RPS6KA2: variants seen among roughly 807,000 people sequenced by gnomAD.
RPS6KA2 encodes ribosomal protein S6 kinase alpha-2.
RPS6KA2 carries 42 observed loss-of-function variants against 91.8 expected under a neutral mutation model. That is an observed-to-expected ratio of 0.46 (90% CI 0.36 to 0.59). The LOEUF (loss-of-function observed/expected upper bound fraction) is 0.59, where lower values mean the gene tolerates loss of function less well. RPS6KA2 is among the 20% of genes least tolerant of loss of function. The probability of loss-of-function intolerance (pLI) is 0.00; values close to 1 mark genes in which losing one functional copy is unlikely to be tolerated. For synonymous variants in RPS6KA2, 414 were observed against 393.6 expected, an observed-to-expected ratio of 1.05 and a Z score of -0.61; for missense variants, 798 against 978.5, an observed-to-expected ratio of 0.82 and a Z score of 2.46.
At position 166,849,537 on chromosome 6, in the gene RPS6KA2, C is replaced by T. The variant is rs576930971; in HGVS notation, c.123+8663G>A. Among the ~76,000 whole-genome samples, 31 of 152,270 alleles carry T rather than the reference C, an allele frequency of 2.0e-4. No individual in the cohort carries two copies. The highest frequency in any genetic ancestry group is 3.3e-4 in the Admixed American group (5 of 15,296). On this transcript the variant is annotated intron_variant, in intron 2 of 21. Coordinates refer to the RPS6KA2 transcript ENST00000503859. The surrounding 1 kb of genome is among the most constrained non-coding windows in gnomAD (Gnocchi z 4.9). ...GGGGGCGGATCAGCTTGAGTCACCA[C>T]GCGTGTAGCTGACAGTGGAGGACCC...
intron 2 of RPS6KA2, among the ~76,000 whole-genome samples, chr6:166,844,116 A>G (rs114273949): frequency 0.01 from 1,532 of 152,274 alleles, 25 homozygotes; most frequent in African/African-American, 0.034. Context: ...ACTTAGAGAA[A>G]TACAAAATGT....
intron 2 of RPS6KA2, among the ~76,000 whole-genome samples, chr6:166,708,505 T>C (rs1789754395): frequency 1.3e-5 from 2 of 152,220 alleles, no homozygotes; most frequent in Admixed American, 1.3e-4. Flanking sequence ...ACATTTAGGA[T>C]GTTAAAAATA....
intron 16 of RPS6KA2, among the ~76,000 whole-genome samples, chr6:166,429,825 T>C (rs1218130107): frequency 6.6e-6 from 1 of 152,226 alleles, no homozygotes; most frequent in Non-Finnish European, 1.5e-5. Context: ...CATGGCTGGG[T>C]GCTCCCGTGT....
rs557599092 is a variant in RPS6KA2 at position 166,433,942 on chromosome 6, A to G, written c.1333-1452T>C. Among the ~76,000 whole-genome samples, 1 of 152,154 alleles carries G rather than the reference A, an allele frequency of 6.6e-6. No individual in the cohort carries two copies. The highest frequency in any genetic ancestry group is 1.9e-4 in the East Asian group (1 of 5,182). On this transcript the variant is annotated intron_variant, in intron 14 of 20. Coordinates refer to ENST00000265678, the MANE Select transcript of RPS6KA2 (RefSeq NM_021135.6). This position sits in a 1 kb window ranked among gnomAD's most constrained non-coding sequence, Gnocchi z 4.4. ...CAGCTAATTTTTAAATTCTTTGTAG[A>G]GATGATGGGGTCTTGCTGTGTTGCC...
At chr6:166,659,772 G>A (rs921289626) in intron 2 of RPS6KA2, among the ~76,000 whole-genome samples, 5 of 152,212 alleles carry the variant, frequency 3.3e-5, no homozygotes, top group South Asian at 2.1e-4. Flanking sequence ...CCCTGCCGCC[G>A]TACAGCTCTA....
Position 166,773,305 on chromosome 6 carries a change from G to A in RPS6KA2, c.123+84895C>T, listed in dbSNP as rs892683425. Among the ~76,000 whole-genome samples, 7 of 152,286 alleles carry A rather than the reference G, an allele frequency of 4.6e-5. No individual in the cohort carries two copies. The East Asian group carries it at 1.2e-3, about 25-fold the overall frequency. ...GAAAGCCCAGTGTGCCCTAATGAGG[G>A]GCTTTCCATCACAGGGGAGTCAGAG... is the stretch of plus-strand genomic sequence containing the variant. On this transcript the variant is annotated intron_variant, in intron 2 of 21. Transcript: ENST00000503859.
rs149233180 is a variant in RPS6KA2 at position 166,774,565 on chromosome 6, C to G, written c.123+83635G>C. 1.4e-3 allele frequency among the ~76,000 whole-genome samples: 207 copies of G among 152,282 alleles called. 1 individual carries two copies. Among genetic ancestry groups the G allele is most frequent in the South Asian group, 7.5e-3 (36 of 4,822 alleles). On this transcript the variant is annotated intron_variant, in intron 2 of 21. Transcript: ENST00000503859. ...ATGCTACGGACCATGGTAGGGAGCTCAGCCTCCCAAGCAGCCAGCCAGGGT... is the reference window on the plus strand; with the variant it reads ...ATGCTACGGACCATGGTAGGGAGCTGAGCCTCCCAAGCAGCCAGCCAGGGT...
intron 2 of RPS6KA2, among the ~76,000 whole-genome samples, chr6:166,668,727 T>C (rs894626058): frequency 6.6e-6 from 1 of 152,118 alleles, no homozygotes; most frequent in Non-Finnish European, 1.5e-5. Flanking sequence ...TAAATGGACA[T>C]GTAAATGAAA....
rs1042240506 is a variant in RPS6KA2, at chr6:166,603,835, G to C, written c.99+23086C>G. Among the ~76,000 whole-genome samples, 3 of 152,204 alleles carry C rather than the reference G, an allele frequency of 2.0e-5. No homozygotes were observed. Among genetic ancestry groups the C allele is most frequent in the Non-Finnish European group, 4.4e-5 (3 of 68,032 alleles). Reference sequence around the variant, plus strand: ...TTGCGATAACAAGTCAGGGGTGTTAGAGGAGCCAAAGACCCCCTCAGCACC... The same window carrying C: ...TTGCGATAACAAGTCAGGGGTGTTACAGGAGCCAAAGACCCCCTCAGCACC... On this transcript the variant is annotated intron_variant, in intron 1 of 20. Coordinates refer to ENST00000265678, the MANE Select transcript of RPS6KA2 (RefSeq NM_021135.6). The surrounding 1 kb of genome is among the most constrained non-coding windows in gnomAD (Gnocchi z 4.3).
chr6:166,651,131 A>AATT (rs1725213096), intron 2 of RPS6KA2, among the ~76,000 whole-genome samples: 1 of 152,228 alleles, frequency 6.6e-6, no homozygotes, highest in South Asian at 2.1e-4. Context: ...TGAGGATCAC[A>AATT]ATTTAGATAA....
intron 2 of RPS6KA2, among the ~76,000 whole-genome samples, chr6:166,818,434 C>A (rs1208269850): frequency 6.6e-6 from 1 of 152,182 alleles, no homozygotes; most frequent in Non-Finnish European, 1.5e-5. Context: ...TGTTGCCAAG[C>A]AGTCTTCTTT....
rs1053024515 is a variant in RPS6KA2, at chr6:166,626,630, G to A, written c.99+291C>T. Among the ~76,000 whole-genome samples, 3 of 152,188 alleles carry A rather than the reference G, an allele frequency of 2.0e-5. No individual in the cohort carries two copies. Among genetic ancestry groups the A allele is most frequent in the Non-Finnish European group, 2.9e-5 (2 of 68,014 alleles). On this transcript the variant is annotated intron_variant, in intron 1 of 20. Coordinates refer to ENST00000265678, the MANE Select transcript of RPS6KA2 (RefSeq NM_021135.6). This position sits in a 1 kb window ranked among gnomAD's most constrained non-coding sequence, Gnocchi z 4.1. ...CCCTCCTCACCCGGGGCTCCCTGTG[G>A]CCCACAGGGGACCATCCCACACCCC...
In RPS6KA2 at chr6:166,732,958, G is replaced by A. The variant is rs555157334; in HGVS notation, c.123+125242C>T. 1.6e-4 allele frequency among the ~76,000 whole-genome samples: 24 copies of A among 152,320 alleles called. No homozygotes were observed. Among genetic ancestry groups the A allele is most frequent in the Admixed American group, 2.6e-4 (4 of 15,296 alleles). On this transcript the variant is annotated intron_variant, in intron 2 of 21. Coordinates refer to the RPS6KA2 transcript ENST00000503859. This position sits in a 1 kb window ranked among gnomAD's most constrained non-coding sequence, Gnocchi z 4.0. Reference sequence around the variant, plus strand: ...GCTGGCTTAGAGGAAATGAGGAACCGGAGCGGCTGGGGTGCAGGGTGGGAG... The same window carrying A: ...GCTGGCTTAGAGGAAATGAGGAACCAGAGCGGCTGGGGTGCAGGGTGGGAG...
chr6:166,571,536 C>T (rs28599916), intron 1 of RPS6KA2, among the ~76,000 whole-genome samples: 2 of 152,208 alleles, frequency 1.3e-5, no homozygotes, highest in East Asian at 1.9e-4. Flanking sequence ...CACGCACATG[C>T]GCGTTCTAGC....
At position 166,852,199 on chromosome 6, in the gene RPS6KA2, A is replaced by T. The variant is rs1780761604; in HGVS notation, c.123+6001T>A. 6.6e-6 allele frequency among the ~76,000 whole-genome samples: 1 copy of T among 152,224 alleles called. No homozygotes were observed. The highest frequency in any genetic ancestry group is 1.5e-5 in the Non-Finnish European group (1 of 68,040). On this transcript the variant is annotated intron_variant, in intron 2 of 21. Coordinates refer to the RPS6KA2 transcript ENST00000503859. This position sits in a 1 kb window ranked among gnomAD's most constrained non-coding sequence, Gnocchi z 4.1. Reference sequence around the variant, plus strand: ...AACAGTAAGAAATACAAATGCAAATAGACTGCCATCATGGTGACTTATGTA... The same window carrying T: ...AACAGTAAGAAATACAAATGCAAATTGACTGCCATCATGGTGACTTATGTA...
rs1478654723 is a variant in RPS6KA2 at position 166,433,326 on chromosome 6, A to ATAACAGATAAAG, written c.1333-848_1333-837dup. Among the ~76,000 whole-genome samples the ATAACAGATAAAG allele has an allele frequency of 1.3e-5, 2 of 151,710 alleles. No homozygotes were observed. The highest frequency in any genetic ancestry group is 2.9e-5 in the Non-Finnish European group (2 of 67,970). ...CAGCATCTGTATCCGATGTCTTAGGATAACAGATAAAGTTGCTTCAACCCC... is the reference window on the plus strand; with the variant it reads ...CAGCATCTGTATCCGATGTCTTAGGATAACAGATAAAGTAACAGATAAAGTTGCTTCAACCCC... On this transcript the variant is annotated intron_variant, in intron 14 of 20. Transcript: ENST00000265678. This position sits in a 1 kb window ranked among gnomAD's most constrained non-coding sequence, Gnocchi z 4.4.
At chr6:166,510,604 T>TATATAC (rs1782442931) in intron 3 of RPS6KA2, among the ~76,000 whole-genome samples, 1 of 83,568 alleles carries the variant, frequency 1.2e-5, no homozygotes, top group Non-Finnish European at 2.5e-5. Flanking sequence ...TATATATATA[T>TATATAC]ATATATGCAT....
chr6:166,537,968 G>T (rs550237350), intron 2 of RPS6KA2, among the ~76,000 whole-genome samples: 9 of 152,330 alleles, frequency 5.9e-5, no homozygotes, highest in African/African-American at 2.2e-4. Context: ...TGTGGACGTG[G>T]CATTAAATGA....
chr6:166,682,065 T>G lies in RPS6KA2; in HGVS notation c.124-143281A>C, dbSNP rs911474115. Among the ~76,000 whole-genome samples, 3 of 152,192 alleles carry G rather than the reference T, an allele frequency of 2.0e-5. No homozygotes were observed. In the South Asian group the frequency reaches 6.2e-4, roughly 31 times the overall value. On this transcript the variant is annotated intron_variant, in intron 2 of 21. Transcript: ENST00000503859. The stretch of plus-strand genomic sequence containing the variant: ...AATCTGGTTCATTCGTAAGTAGAGT[T>G]CTGAGGGTTTTGAGATGCTGCTGTT...
Sources: gnomAD v4.1 joint callset for allele counts (sites outside exome capture counted in the v4.1 genomes callset) on GRCh38, gnomAD v4.1.1 for gene constraint, Gnocchi (gnomAD v3.1) non-coding constraint, MANE v1.5 for transcripts, NCBI Gene and HGNC (gene_info 2026-07-23, HGNC 2026-07-21) for gene names.